Variants in ADGRL3 observed in about 807,000 individuals in gnomAD.
ADGRL3 encodes calcium-independent alpha-latrotoxin receptor 3.
ADGRL3 carries 62 observed loss-of-function variants against 153.5 expected under a neutral mutation model. The ratio of observed to expected loss-of-function variants is 0.40; its 90% confidence interval spans 0.33 to 0.50. ADGRL3 has a LOEUF of 0.50. Among genes scored for constraint, ADGRL3 ranks in the 20% least tolerant of loss-of-function variants. The probability of loss-of-function intolerance (pLI) is 0.47; values close to 1 mark genes in which losing one functional copy is unlikely to be tolerated. For synonymous variants in ADGRL3, 710 were observed against 672.5 expected (o/e 1.06, Z -0.86); for missense variants, 1,641 against 1,859.4 (o/e 0.88, Z 2.16).
intron 19 of ADGRL3, among the ~76,000 whole-genome samples, chr4:61,991,780 C>T (rs1259958126): frequency 5.3e-5 from 8 of 151,358 alleles, no homozygotes; most frequent in Non-Finnish European, 1.0e-4. Flanking sequence ...ATTTATTATA[C>T]TTGGCATATA....
At chr4:61,996,031 T>C (rs988100430) in intron 19 of ADGRL3, among the ~76,000 whole-genome samples, 3 of 152,230 alleles carry the variant, frequency 2.0e-5, no homozygotes, top group Middle Eastern at 3.4e-3. Flanking sequence ...AAAGTTTCTA[T>C]GACAGACACA....
At chr4:61,655,521 GA>G (rs1166569124) in intron 5 of ADGRL3, among the ~76,000 whole-genome samples, 3 of 151,870 alleles carry the variant, frequency 2.0e-5, no homozygotes, top group Non-Finnish European at 4.4e-5. Context: ...AATACACTTT[GA>G]AAAAAACAGA....
chr4:61,893,912 T>A (rs959463293), intron 10 of ADGRL3, among the ~76,000 whole-genome samples: 9 of 151,984 alleles, frequency 5.9e-5, no homozygotes, highest in Non-Finnish European at 1.3e-4. Flanking sequence ...GGTTTCGCCA[T>A]GTTGTCCAGG....
chr4:62,021,157 A>T (rs149278221), intron 21 of ADGRL3, among the ~76,000 whole-genome samples: 3 of 152,210 alleles, frequency 2.0e-5, no homozygotes, highest in Non-Finnish European at 4.4e-5. Flanking sequence ...AGGTCAATAC[A>T]CAACAGCAAT....
intron 21 of ADGRL3, among the ~76,000 whole-genome samples, chr4:62,005,475 T>C (rs747276274): frequency 6.6e-6 from 1 of 152,160 alleles, no homozygotes; most frequent in Non-Finnish European, 1.5e-5. Context: ...CCAAAATAAT[T>C]AGGTTTCTAT....
chr4:61,600,307 C>CAAA (rs60557691), intron 5 of ADGRL3, among the ~76,000 whole-genome samples: 10 of 61,778 alleles, frequency 1.6e-4, no homozygotes, highest in African/African-American at 6.7e-4. Context: ...GGCTGCCTTG[C>CAAA]AAAAAAAAAA....
intron 9 of ADGRL3, among the ~76,000 whole-genome samples, chr4:61,887,567 C>T (rs1561417957): frequency 2.0e-5 from 3 of 152,066 alleles, no homozygotes; most frequent in Admixed American, 2.0e-4. Context: ...GCAAAACGGG[C>T]CAGGTGTGGT....
intron 1 of ADGRL3, among the ~76,000 whole-genome samples, chr4:61,233,806 C>A (rs1751733504): frequency 6.6e-6 from 1 of 151,888 alleles, no homozygotes; most frequent in South Asian, 2.1e-4. Flanking sequence ...ATGGACCTAA[C>A]CAAGTAGTAG....
chr4:61,411,967 C>T (rs940048830), intron 2 of ADGRL3, among the ~76,000 whole-genome samples: 1 of 152,116 alleles, frequency 6.6e-6, no homozygotes, highest in Non-Finnish European at 1.5e-5. Context: ...AATGTGTTAA[C>T]CCTCATATAT....
intron 1 of ADGRL3, among the ~76,000 whole-genome samples, chr4:61,305,467 T>C (rs564635335): frequency 2.6e-5 from 4 of 152,300 alleles, no homozygotes; most frequent in African/African-American, 9.6e-5. Context: ...TATAAGTAGA[T>C]GTAGTTGCTG....
intron 1 of ADGRL3, among the ~76,000 whole-genome samples, chr4:61,278,024 A>C (rs2149922172): frequency 6.6e-6 from 1 of 152,294 alleles, no homozygotes; most frequent in East Asian, 1.9e-4. Flanking sequence ...AGCAGTCAAC[A>C]ATTTCCAAAG....
intron 13 of ADGRL3, among the ~76,000 whole-genome samples, chr4:61,926,480 T>G (rs954755646): frequency 2.6e-5 from 4 of 152,092 alleles, no homozygotes; most frequent in African/African-American, 9.7e-5. Flanking sequence ...TTAAATATCT[T>G]TGGAATAATC....
At chr4:61,837,899 C>A (rs997330503) in intron 9 of ADGRL3, among the ~76,000 whole-genome samples, 68 of 152,126 alleles carry the variant, frequency 4.5e-4, no homozygotes, top group African/African-American at 1.6e-3. Flanking sequence ...ATTGCATGAT[C>A]ATTTTAAAGT....
intron 1 of ADGRL3, among the ~76,000 whole-genome samples, chr4:61,267,890 AT>A (rs1487036198): frequency 1.3e-5 from 2 of 151,678 alleles, no homozygotes; most frequent in Non-Finnish European, 3.0e-5. Flanking sequence ...AGGTAGCATA[AT>A]TATATCTACA....
chr4:61,495,598 T>C (rs889995227), intron 2 of ADGRL3, among the ~76,000 whole-genome samples: 2 of 152,216 alleles, frequency 1.3e-5, no homozygotes, highest in East Asian at 3.9e-4. Context: ...GTGCTGATTG[T>C]AAAAGATGGT....
chr4:61,370,229 T>C, intron 1 of ADGRL3, among the ~76,000 whole-genome samples: 1 of 151,278 alleles, frequency 6.6e-6, no homozygotes, highest in Non-Finnish European at 1.5e-5. Flanking sequence ...CTCTATTTCC[T>C]TCAGTTCTGC....
At chr4:61,329,619 G>C (rs1324081461) in intron 1 of ADGRL3, among the ~76,000 whole-genome samples, 1 of 151,944 alleles carries the variant, frequency 6.6e-6, no homozygotes, top group Non-Finnish European at 1.5e-5. Context: ...ATCTTTCTGT[G>C]GTGTGCACAT....
At chr4:61,823,481 G>A (rs1474966980) in intron 9 of ADGRL3, among the ~76,000 whole-genome samples, 1 of 152,034 alleles carries the variant, frequency 6.6e-6, no homozygotes, top group Admixed American at 6.6e-5. Context: ...ACCTTTTTGA[G>A]TGGTATTAAC....
chr4:61,819,274 T>C (rs895871513), intron 9 of ADGRL3, among the ~76,000 whole-genome samples: 2 of 152,156 alleles, frequency 1.3e-5, no homozygotes, highest in Non-Finnish European at 2.9e-5. Flanking sequence ...ACAAATTACG[T>C]TCTTTAAATA....
Sources: gnomAD v4.1 joint callset for allele counts (sites outside exome capture counted in the v4.1 genomes callset) on GRCh38, gnomAD v4.1.1 for gene constraint, MANE v1.5 for transcripts, NCBI Gene and HGNC (gene_info 2026-07-23, HGNC 2026-07-21) for gene names.